Variants in STARD13 observed in about 807,000 individuals in gnomAD.
STARD13 encodes StAR related lipid transfer domain containing 13.
STARD13 carries 62 observed loss-of-function variants against 106.4 expected under a neutral mutation model. That is an observed-to-expected ratio of 0.58 (90% confidence interval 0.48 to 0.72). The LOEUF (loss-of-function observed/expected upper bound fraction) is 0.72, where lower values mean the gene tolerates loss of function less well. Among genes scored for constraint, STARD13 ranks in the 30% least tolerant of loss-of-function variants. The pLI is 0.00. For synonymous variants in STARD13, 565 were observed against 553.0 expected (o/e 1.02, Z -0.31); for missense variants, 1,387 against 1,424.0 (o/e 0.97, Z 0.42).
At chr13:33,177,037 C>A (rs1432929095) in intron 1 of STARD13, among the ~76,000 whole-genome samples, 4 of 152,114 alleles carry the variant, frequency 2.6e-5, no homozygotes, top group African/African-American at 9.7e-5. Flanking sequence ...TAGGAAACAG[C>A]AGAAGTACAT....
At chr13:33,417,625 A>G in the STARD13 span, among the ~76,000 whole-genome samples, 24 of 152,220 alleles carry the variant, frequency 1.6e-4, no homozygotes, top group Admixed American at 2.6e-4. Flanking sequence ...TGCAACATGA[A>G]TGAGCCTTGA....
the STARD13 span, among the ~76,000 whole-genome samples, chr13:33,483,446 T>C: frequency 6.6e-6 from 1 of 152,198 alleles, no homozygotes. Flanking sequence ...TGGCCCAATT[T>C]CCACATAGAA....
chr13:33,673,118 T>C, the STARD13 span, among the ~76,000 whole-genome samples: 1 of 152,326 alleles, frequency 6.6e-6, no homozygotes, highest in African/African-American at 2.4e-5. Context: ...CCAAGTGTTT[T>C]GTGCTGATTG....
the STARD13 span, among the ~76,000 whole-genome samples, chr13:33,533,954 A>G: frequency 2.0e-5 from 3 of 152,226 alleles, no homozygotes; most frequent in Admixed American, 6.5e-5. Context: ...CAAAGTTCCT[A>G]GAAATGAAGG....
chr13:33,409,827 G>A, the STARD13 span, among the ~76,000 whole-genome samples: 1 of 152,198 alleles, frequency 6.6e-6, no homozygotes, highest in Admixed American at 6.5e-5. Flanking sequence ...ATATTTACCA[G>A]TCTTAACTGG....
the STARD13 span, among the ~76,000 whole-genome samples, chr13:33,608,529 AAAAGT>A: frequency 6.6e-6 from 1 of 152,224 alleles, no homozygotes; most frequent in Non-Finnish European, 1.5e-5. Flanking sequence ...TCAGAGATAG[AAAAGT>A]AAATCAATGA....
intron 1 of STARD13, among the ~76,000 whole-genome samples, chr13:33,321,077 C>G (rs1893542672): frequency 6.6e-6 from 1 of 152,154 alleles, no homozygotes; most frequent in African/African-American, 2.4e-5. Flanking sequence ...ATTGTATTTG[C>G]TAGAAATAAC....
At chr13:33,608,913 T>C in the STARD13 span, among the ~76,000 whole-genome samples, 20,202 of 151,202 alleles carry the variant, frequency 0.13, 2,146 homozygotes, top group African/African-American at 0.28. Flanking sequence ...GGTGAAACCC[T>C]GTCTCTACTA....
intron 3 of STARD13, among the ~76,000 whole-genome samples, chr13:33,159,299 A>G (rs939131947): frequency 1.3e-5 from 2 of 152,184 alleles, no homozygotes; most frequent in East Asian, 3.9e-4. Flanking sequence ...ATGATTTCAC[A>G]TGAATTGTAC....
At chr13:33,426,578 A>G in the STARD13 span, among the ~76,000 whole-genome samples, 1 of 152,264 alleles carries the variant, frequency 6.6e-6, no homozygotes, top group East Asian at 1.9e-4. Context: ...CTATTTCATT[A>G]TATCTTCTAA....
At chr13:33,512,418 G>A in the STARD13 span, among the ~76,000 whole-genome samples, 4 of 152,096 alleles carry the variant, frequency 2.6e-5, no homozygotes, top group Non-Finnish European at 5.9e-5. Context: ...AAGTGTTAGA[G>A]TCCTTAGAGC....
the STARD13 span, among the ~76,000 whole-genome samples, chr13:33,616,435 G>A: frequency 4.6e-5 from 7 of 152,148 alleles, no homozygotes; most frequent in South Asian, 6.2e-4. Flanking sequence ...CTGCTCTTCC[G>A]CATATTTTCC....
chr13:33,226,974 G>A (rs1594133054), intron 1 of STARD13, among the ~76,000 whole-genome samples: 3 of 152,070 alleles, frequency 2.0e-5, no homozygotes, highest in Admixed American at 1.3e-4. Context: ...ATATTCATTC[G>A]TTCTTATAAT....
chr13:33,254,021 C>T (rs766810097), intron 1 of STARD13, among the ~76,000 whole-genome samples: 6 of 152,238 alleles, frequency 3.9e-5, no homozygotes, highest in Non-Finnish European at 8.8e-5. Flanking sequence ...TTGGGATGCA[C>T]AGTCTGACAC....
the STARD13 span, among the ~76,000 whole-genome samples, chr13:33,378,790 A>C: frequency 3.4e-5 from 5 of 149,106 alleles, no homozygotes; most frequent in Admixed American, 3.3e-4. Context: ...ACTCTGACTC[A>C]AAAAAACAAA....
chr13:33,177,986 A>AAGGAAAGGAAGGAAGGAAGGAAGGAAGG (rs1555242762), intron 1 of STARD13, among the ~76,000 whole-genome samples: 1 of 7,762 alleles, frequency 1.3e-4, no homozygotes, highest in African/African-American at 1.3e-3. Flanking sequence ...GGAAGGAAGG[A>AAGGAAAGGAAGGAAGGAAGGAAGGAAGG]AAGGAAGGAA....
At chr13:33,199,920 A>G (rs1566068745) in intron 1 of STARD13, among the ~76,000 whole-genome samples, 1 of 152,248 alleles carries the variant, frequency 6.6e-6, no homozygotes, top group African/African-American at 2.4e-5. Context: ...CACATGTGGG[A>G]AGAACAGCGG....
chr13:33,223,010 G>C (rs1364442273), intron 1 of STARD13, among the ~76,000 whole-genome samples: 12 of 152,228 alleles, frequency 7.9e-5, no homozygotes, highest in Admixed American at 7.9e-4. Flanking sequence ...AGGAAAAGAA[G>C]GGTTAGGAAT....
chr13:33,139,626 G>A (rs375533933), intron 4 of STARD13, among the ~76,000 whole-genome samples: 3 of 152,286 alleles, frequency 2.0e-5, no homozygotes, highest in African/African-American at 7.2e-5. Flanking sequence ...AGGAAATCCC[G>A]CTGCCTTATT....
Sources: gnomAD v4.1 joint callset for allele counts (sites outside exome capture counted in the v4.1 genomes callset) on GRCh38, gnomAD v4.1.1 for gene constraint, MANE v1.5 for transcripts, NCBI Gene and HGNC (gene_info 2026-07-23, HGNC 2026-07-21) for gene names.